Variants in ZBTB40 observed in about 807,000 individuals in gnomAD.
ZBTB40 encodes zinc finger and BTB domain containing 40.
In ZBTB40, 60 loss-of-function variants were observed where a neutral mutation model predicts 117.5. The observed-to-expected ratio is 0.51, with a 90% CI of 0.41 to 0.63. The LOEUF (loss-of-function observed/expected upper bound fraction) is 0.63. ZBTB40 is among the 30% of genes least tolerant of loss of function. The pLI, the probability that ZBTB40 is intolerant of heterozygous loss-of-function variation, is 0.00. For synonymous variants in ZBTB40, 525 were observed against 577.1 expected, an observed-to-expected ratio of 0.91 and a Z score of 1.29; for missense variants, 1,287 against 1,498.5, an observed-to-expected ratio of 0.86 and a Z score of 2.33.
intron 1 of ZBTB40, among the ~76,000 whole-genome samples, chr1:22,483,108 A>T (rs1030631196): frequency 2.6e-5 from 4 of 152,078 alleles, no homozygotes; most frequent in Non-Finnish European, 5.9e-5. Flanking sequence ...TATGCATTTA[A>T]GTTTCCTCCC....
intron 1 of ZBTB40, among the ~76,000 whole-genome samples, chr1:22,483,802 G>A (rs559451549): frequency 2.1e-4 from 32 of 152,198 alleles, no homozygotes; most frequent in Non-Finnish European, 2.5e-4. Flanking sequence ...TGTGCCTTTG[G>A]TGTTGTACCT....
intron 6 of ZBTB40, 75 bp from the exon 7 acceptor site, chr1:22,507,926 A>G: frequency 1.2e-6 from 2 of 1,609,534 alleles, no homozygotes; most frequent in East Asian, 2.2e-5. Flanking sequence ...TTCCTCTCTC[A>G]TTGGTAATAT....
chr1:22,455,004 A>C (rs968184034), intron 1 of ZBTB40, among the ~76,000 whole-genome samples: 1 of 152,224 alleles, frequency 6.6e-6, no homozygotes, highest in Non-Finnish European at 1.5e-5. Flanking sequence ...CTCCAGAAAG[A>C]GGGGAGCAGA....
chr1:22,507,158 A>T (rs1211429946), intron 6 of ZBTB40, among the ~76,000 whole-genome samples: 1 of 152,200 alleles, frequency 6.6e-6, no homozygotes, highest in Non-Finnish European at 1.5e-5. Flanking sequence ...CCGCACCCTC[A>T]CTGCACCATT....
At chr1:22,518,842 T>C (rs1313345142) in intron 13 of ZBTB40, among the ~76,000 whole-genome samples, 1 of 152,222 alleles carries the variant, frequency 6.6e-6, no homozygotes, top group Non-Finnish European at 1.5e-5. Context: ...TTGACCTCTT[T>C]AATGACATTC....
At chr1:22,494,988 G>A (rs1362721449) in intron 3 of ZBTB40, among the ~76,000 whole-genome samples, 1 of 152,172 alleles carries the variant, frequency 6.6e-6, no homozygotes, top group African/African-American at 2.4e-5. Flanking sequence ...TTGTTTTTCT[G>A]TTTATACATT....
At chr1:22,517,095 G>A (rs749031829) in intron 12 of ZBTB40, among the ~76,000 whole-genome samples, 2 of 152,132 alleles carry the variant, frequency 1.3e-5, no homozygotes, top group African/African-American at 2.4e-5. Flanking sequence ...AACCACACTC[G>A]CACCTTCCGT....
rs773360215 is a variant in ZBTB40 at position 22,513,132 on chromosome 1, T to TAAGG, written c.2668+3_2668+6dup. The TAAGG allele has an allele frequency of 1.2e-6, 2 of 1,613,518 alleles. No individual in the cohort carries two copies. The highest frequency in any genetic ancestry group is 2.7e-5 in the African/African-American group (2 of 75,048). Reference sequence around the variant, plus strand: ...ACACCAAGAAGAAGCACTCAGAAGGTAAGGCGGGGCACAGTTCATTTCTCC... The same window carrying TAAGG: ...ACACCAAGAAGAAGCACTCAGAAGGTAAGGAAGGCGGGGCACAGTTCATTTCTCC... On this transcript the variant is annotated splice_region_variant and intron_variant, in intron 12 of 17. Coordinates refer to ENST00000375647, the MANE Select transcript of ZBTB40 (RefSeq NM_014870.4). This position sits in a 1 kb window ranked among gnomAD's most constrained non-coding sequence, Gnocchi z 4.9.
chr1:22,520,118 A>T lies in ZBTB40; in HGVS notation c.2891A>T (p.Asp964Val). 2 of 1,614,206 alleles carry T rather than the reference A, an allele frequency of 1.2e-6. No individual in the cohort carries two copies. The highest frequency in any genetic ancestry group is 2.2e-5 in the East Asian group (1 of 44,880). The change falls in exon 14 of 18, where the codon GAT (aspartate) becomes GTT (valine). Residue 964 changes from aspartate to valine, a missense_variant. By Grantham distance (152) the Asp-to-Val change is radical (BLOSUM62 -3). Coordinates refer to ENST00000375647, the MANE Select transcript of ZBTB40 (RefSeq NM_014870.4). ...AGGATGAGTTTCCCCACTCTTCAGG[A>T]TCACCGGAAGCACATCCATGAGGTG... ...KCRMSFPTLQ[D>V]HRKHIHEVHS... is the part of the protein sequence containing the mutation.
intron 9 of ZBTB40, 44 bp downstream of exon 9, chr1:22,509,277 T>TG: frequency 6.2e-7 from 1 of 1,613,470 alleles, no homozygotes; most frequent in Non-Finnish European, 8.5e-7. Context: ...GTTTTACAGT[T>TG]GTTGCCTGGG....
Position 22,490,575 on chromosome 1 carries a change from A to T in ZBTB40, c.627A>T (p.Thr209=). Reference sequence around the variant, plus strand: ...AAACCCCAGCGGAGACTCCTACTACAGCTGAAGCTTGTTCCCCCTCCCCTG... The same window carrying T: ...AAACCCCAGCGGAGACTCCTACTACTGCTGAAGCTTGTTCCCCCTCCCCTG... ...NAETPAETPT[T]AEACSPSPAV... Residue 209 remains threonine (T), a synonymous_variant, in exon 2 of 18, where the codon ACA becomes ACT. Transcript: ENST00000375647. The T allele has an allele frequency of 6.2e-7, 1 of 1,614,142 alleles. No homozygotes were observed. The highest frequency in any genetic ancestry group is 1.1e-5 in the South Asian group (1 of 91,080).
At chr1:22,515,117 A>T (rs551625113) in intron 12 of ZBTB40, among the ~76,000 whole-genome samples, 2 of 152,212 alleles carry the variant, frequency 1.3e-5, no homozygotes, top group Non-Finnish European at 2.9e-5. Flanking sequence ...TTGTGGAGAA[A>T]CCTAAACAAA....
chr1:22,481,529 C>T (rs890313265), intron 1 of ZBTB40, among the ~76,000 whole-genome samples: 1 of 151,804 alleles, frequency 6.6e-6, no homozygotes, highest in African/African-American at 2.4e-5. Context: ...TTTAGTTGTT[C>T]ACAAAAACAT....
intron 1 of ZBTB40, among the ~76,000 whole-genome samples, chr1:22,466,858 A>G (rs1191427902): frequency 6.6e-6 from 1 of 151,886 alleles, no homozygotes; most frequent in Non-Finnish European, 1.5e-5. Flanking sequence ...CATTCTGTGC[A>G]GTGTCTCTTT....
At chr1:22,455,960 G>A (rs886629317) in intron 1 of ZBTB40, among the ~76,000 whole-genome samples, 2 of 152,026 alleles carry the variant, frequency 1.3e-5, no homozygotes, top group South Asian at 2.1e-4. Context: ...TACCCTTCTC[G>A]AGTACTGCCT....
intron 1 of ZBTB40, among the ~76,000 whole-genome samples, chr1:22,454,162 A>C (rs1010826435): frequency 6.6e-6 from 1 of 152,158 alleles, no homozygotes; most frequent in Non-Finnish European, 1.5e-5. Flanking sequence ...CATGTTGTTC[A>C]GGCTGGTCTT....
rs185749787 is a variant in ZBTB40, at chr1:22,507,807, C to T, written c.1361-194C>T. 2.0e-3 allele frequency among the ~76,000 whole-genome samples: 300 copies of T among 152,292 alleles called. 1 individual carries two copies. The highest frequency in any genetic ancestry group is 6.4e-3 in the African/African-American group (264 of 41,558). On this transcript the variant is annotated intron_variant, in intron 6 of 17. Transcript: ENST00000375647. ...TCAAAGCGTTAACGGCTTTATGACC[C>T]TGAAGCGCCAAGCGATTAAGTGTAG...
At chr1:22,461,164 C>T (rs1224623847) in intron 1 of ZBTB40, among the ~76,000 whole-genome samples, 1 of 152,168 alleles carries the variant, frequency 6.6e-6, no homozygotes, top group Non-Finnish European at 1.5e-5. Context: ...GAATGTTGCT[C>T]TGAAGGCCTG....
At chr1:22,431,382 GTGTA>G (rs1423929163) in intron 1 of ZBTB40, among the ~76,000 whole-genome samples, 13 of 15,510 alleles carry the variant, frequency 8.4e-4, no homozygotes, top group Admixed American at 2.1e-3. Context: ...GTGTGTGTGT[GTGTA>G]TATATATATA....
Sources: allele counts gnomAD v4.1 joint callset (sites outside exome capture counted in the v4.1 genomes callset), GRCh38; gene constraint gnomAD v4.1.1; non-coding constraint Gnocchi (gnomAD v3.1); transcripts MANE v1.5; gene names NCBI Gene and HGNC (gene_info 2026-07-23, HGNC 2026-07-21).